Variants in TM9SF2 observed in about 807,000 individuals in gnomAD.
TM9SF2 encodes the protein transmembrane 9 superfamily member 2, also known as 76 kDa membrane protein.
Under a neutral mutation model 84.9 loss-of-function variants are expected in TM9SF2, and 13 were observed. The ratio of observed to expected loss-of-function variants is 0.15; its 90% CI spans 0.10 to 0.24. TM9SF2 has a LOEUF of 0.24. Among genes scored for constraint, TM9SF2 ranks in the 10% least tolerant of loss-of-function variants. TM9SF2 has a pLI of 1.00. For missense variants in TM9SF2, 562 were observed against 818.5 expected (o/e 0.69, Z 3.82); for synonymous variants, 273 against 285.8 (o/e 0.96, Z 0.45).
chr13:99,529,553 A>G lies in TM9SF2; in HGVS notation c.420A>G (p.Glu140=), dbSNP rs1482283043. The change falls in exon 4 of 17, where the codon GAA becomes GAG. Residue 140 remains glutamate (E), a synonymous_variant. Coordinates refer to ENST00000376387, the MANE Select transcript of TM9SF2 (RefSeq NM_004800.3). The part of the protein sequence containing the change: ...TEKAEDKQKL[E]FLKKSMLLNY... ...AAGCTGAAGACAAACAAAAGTTAGAATTCTTGAAAAAAAGCATGTTATTGA... is the reference window on the plus strand; with the variant it reads ...AAGCTGAAGACAAACAAAAGTTAGAGTTCTTGAAAAAAAGCATGTTATTGA... The G allele has an allele frequency of 1.9e-6, 3 of 1,589,032 alleles. No individual in the cohort carries two copies. The highest frequency in any genetic ancestry group is 2.7e-5 in the African/African-American group (2 of 73,342).
intron 9 of TM9SF2, 51 bp downstream of exon 9, chr13:99,541,718 T>A: frequency 7.9e-7 from 1 of 1,258,852 alleles, no homozygotes; most frequent in South Asian, 1.5e-5. Flanking sequence ...TGTTTATTGT[T>A]ATTTTGCAAA....
At chr13:99,517,022 A>G (rs1040071353) in intron 1 of TM9SF2, among the ~76,000 whole-genome samples, 2 of 152,228 alleles carry the variant, frequency 1.3e-5, no homozygotes, top group Non-Finnish European at 2.9e-5. Context: ...TAGTTAAAAT[A>G]TCTTATTAAT....
intron 1 of TM9SF2, among the ~76,000 whole-genome samples, chr13:99,502,995 A>G (rs1461661219): frequency 6.6e-6 from 1 of 152,210 alleles, no homozygotes; most frequent in Non-Finnish European, 1.5e-5. Context: ...ATCTGAAAAA[A>G]TATCTAAGGA....
At position 99,563,255 on chromosome 13, in the gene TM9SF2, A is replaced by G. The variant is rs565311480; in HGVS notation, c.*497A>G. The G allele has an allele frequency of 6.6e-6, 1 of 152,668 alleles. No homozygotes were observed. Among genetic ancestry groups the G allele is most frequent in the East Asian group, 1.9e-4 (1 of 5,208 alleles). 9.5% of individuals were successfully genotyped at this position (152,668 alleles called of 1,614,324 possible). A position where few individuals can be genotyped will look rare whatever the true frequency, so the allele number is the denominator to read the frequency against. ...ATGTGGCTTTTAAAGAAAATCTTCT[A>G]TTGGTTGTAACTGTTCATATCTTCT... is the stretch of plus-strand genomic sequence containing the variant. On this transcript the variant is annotated 3_prime_UTR_variant, in exon 17 of 17. Transcript: ENST00000376387.
chr13:99,544,367 A>G (rs1053323014), intron 10 of TM9SF2, among the ~76,000 whole-genome samples: 2 of 151,126 alleles, frequency 1.3e-5, no homozygotes, highest in African/African-American at 4.9e-5. Flanking sequence ...AAAACACCAC[A>G]GTTTTTCTAA....
At chr13:99,512,916 T>A (rs1349939371) in intron 1 of TM9SF2, among the ~76,000 whole-genome samples, 1 of 152,228 alleles carries the variant, frequency 6.6e-6, no homozygotes, top group Non-Finnish European at 1.5e-5. Flanking sequence ...GCACATGAAA[T>A]ACTTTAATTT....
At chr13:99,532,643 G>A (rs553900259) in intron 4 of TM9SF2, among the ~76,000 whole-genome samples, 1 of 152,270 alleles carries the variant, frequency 6.6e-6, no homozygotes, top group Non-Finnish European at 1.5e-5. Context: ...TGCTCCTGAA[G>A]GTAGTAGAAG....
At position 99,539,671 on chromosome 13, in the gene TM9SF2, CT is replaced by C. The variant is rs2046250029; in HGVS notation, c.828+115del. On this transcript the variant is annotated intron_variant, in intron 7 of 16. Coordinates refer to ENST00000376387, the MANE Select transcript of TM9SF2 (RefSeq NM_004800.3). Reference sequence around the variant, plus strand: ...GTCAAATAAAGAAGCTATTAATGAGCTGATTTTTAGGATAGTTTGTCGGTGT... The same window carrying C: ...GTCAAATAAAGAAGCTATTAATGAGCGATTTTTAGGATAGTTTGTCGGTGT... The C allele has an allele frequency of 8.4e-6, 6 of 716,082 alleles. No homozygotes were observed. The South Asian group carries it at 1.1e-4, about 13-fold the overall frequency. The allele number at this position is 716,082 out of a possible 1,614,324, so 44.4% of individuals were successfully genotyped here.
At chr13:99,549,054 A>G (rs2046295266) in intron 11 of TM9SF2, 111 bp from the exon 12 acceptor site, 1 of 767,110 alleles carries the variant, frequency 1.3e-6, no homozygotes, top group East Asian at 2.6e-5. Flanking sequence ...TTTTCTAGGA[A>G]TGAGTACTCA....
intron 11 of TM9SF2, 26 bp from the exon 12 acceptor site, chr13:99,549,139 T>G (rs374334244): frequency 6.3e-6 from 10 of 1,597,646 alleles, no homozygotes; most frequent in Non-Finnish European, 8.6e-6. Context: ...AATCTGTATT[T>G]ATACAACTTT....
chr13:99,520,347 T>A (rs1297149826), intron 3 of TM9SF2, among the ~76,000 whole-genome samples: 1 of 152,124 alleles, frequency 6.6e-6, no homozygotes, highest in Non-Finnish European at 1.5e-5. Flanking sequence ...GCAACTAATG[T>A]TAGGAATGTT....
At chr13:99,506,303 G>A (rs929346178) in intron 1 of TM9SF2, among the ~76,000 whole-genome samples, 4 of 152,148 alleles carry the variant, frequency 2.6e-5, no homozygotes, top group African/African-American at 9.7e-5. Context: ...AAATCTGTAT[G>A]TGTATTTATT....
chr13:99,544,024 G>A (rs2046272301), intron 10 of TM9SF2, 29 bp downstream of exon 10: 3 of 1,609,762 alleles, frequency 1.9e-6, no homozygotes, highest in Non-Finnish European at 2.5e-6. Context: ...TTTTCAAGTA[G>A]AAAATACTTT....
chr13:99,543,138 A>G (rs907825906), intron 9 of TM9SF2, among the ~76,000 whole-genome samples: 29 of 152,104 alleles, frequency 1.9e-4, no homozygotes, highest in Non-Finnish European at 2.1e-4. Flanking sequence ...CCTCATTTAC[A>G]TGGCTAGTTC....
At chr13:99,558,460 C>T (rs1259672256) in intron 15 of TM9SF2, among the ~76,000 whole-genome samples, 1 of 152,204 alleles carries the variant, frequency 6.6e-6, no homozygotes, top group Non-Finnish European at 1.5e-5. Flanking sequence ...AGTACGTAAA[C>T]ATGGGATGTC....
At chr13:99,519,293 GTT>G (rs759941780) in intron 2 of TM9SF2, among the ~76,000 whole-genome samples, 6 of 138,828 alleles carry the variant, frequency 4.3e-5, no homozygotes, top group Admixed American at 1.4e-4. Flanking sequence ...CCCAGCCCCA[GTT>G]TTTTTTTTTT....
intron 12 of TM9SF2, 139 bp from the exon 13 acceptor site, chr13:99,552,028 A>G: frequency 1.2e-6 from 1 of 842,486 alleles, no homozygotes; most frequent in South Asian, 2.3e-5. Context: ...CAAGTTTTAC[A>G]TTCAGACATC....
intron 14 of TM9SF2, among the ~76,000 whole-genome samples, chr13:99,555,004 T>G (rs569645029): frequency 6.6e-6 from 1 of 152,280 alleles, no homozygotes; most frequent in African/African-American, 2.4e-5. Flanking sequence ...AGCCATTCTG[T>G]GTGTGTGTAT....
intron 15 of TM9SF2, among the ~76,000 whole-genome samples, chr13:99,556,410 C>T (rs1252782691): frequency 2.0e-5 from 3 of 152,158 alleles, no homozygotes; most frequent in Non-Finnish European, 4.4e-5. Flanking sequence ...TCCTCACTTC[C>T]CCCAGGCCTT....
Sources: gnomAD v4.1 joint callset for allele counts (sites outside exome capture counted in the v4.1 genomes callset) on GRCh38, gnomAD v4.1.1 for gene constraint, MANE v1.5 for transcripts, NCBI Gene and HGNC (gene_info 2026-07-23, HGNC 2026-07-21) for gene names.